NTNG1: variants seen among roughly 807,000 people sequenced by gnomAD.
NTNG1 encodes the protein netrin G1, also known as netrin-G1.
NTNG1 carries 16 observed loss-of-function variants against 54.0 expected under a neutral mutation model. The ratio of observed to expected loss-of-function variants is 0.30; its 90% CI spans 0.20 to 0.45. NTNG1 has a LOEUF of 0.45. NTNG1 is among the 20% of genes least tolerant of loss of function. The probability of loss-of-function intolerance (pLI) is 1.00; values close to 1 mark genes in which losing one functional copy is unlikely to be tolerated. For missense variants in NTNG1, 530 were observed against 678.7 expected (o/e 0.78, Z 2.43); for synonymous variants, 255 against 263.1 (o/e 0.97, Z 0.30).
chr1:107,308,346 G>T (rs534497218), intron 2 of NTNG1, among the ~76,000 whole-genome samples: 65 of 152,186 alleles, frequency 4.3e-4, no homozygotes, highest in Middle Eastern at 3.4e-3. Context: ...TAAGGAAGGG[G>T]TCCAGTTTCA....
chr1:107,416,656 G>C (rs11185110), intron 5 of NTNG1, among the ~76,000 whole-genome samples: 66,225 of 151,778 alleles, frequency 0.44, 14,693 homozygotes, highest in Middle Eastern at 0.51. Flanking sequence ...TAATTTATAG[G>C]GTTATTTTTC....
At chr1:107,255,317 C>T (rs991559847) in intron 2 of NTNG1, among the ~76,000 whole-genome samples, 2 of 152,046 alleles carry the variant, frequency 1.3e-5, no homozygotes, top group African/African-American at 4.8e-5. Flanking sequence ...AGATAGTTTT[C>T]CTCCATAAAG....
At position 107,413,416 on chromosome 1, in the gene NTNG1, C is replaced by T. The variant is rs574624916; in HGVS notation, c.1087+5708C>T. On this transcript the variant is annotated intron_variant, in intron 5 of 7. Transcript: ENST00000370068. ...GATTTCTTTCTGGGCATCAATAATG[C>T]TATTTCCATCCCAAGTGCGGTGTGT... 1.5e-4 allele frequency among the ~76,000 whole-genome samples: 23 copies of T among 152,148 alleles called. No individual in the cohort carries two copies. The South Asian group carries it at 4.8e-3, about 32-fold the overall frequency.
intron 3 of NTNG1, among the ~76,000 whole-genome samples, chr1:107,357,086 C>A (rs1054465371): frequency 1.1e-4 from 17 of 152,168 alleles, no homozygotes; most frequent in African/African-American, 4.1e-4. Context: ...CCTAACCAGA[C>A]AACACAAATC....
intron 5 of NTNG1, 170 bp downstream of exon 5, chr1:107,407,878 CAGAT>C (rs757225228): frequency 2.6e-6 from 2 of 755,530 alleles, no homozygotes; most frequent in East Asian, 5.0e-5. Flanking sequence ...GGTGAGAACA[CAGAT>C]AAAGTGATTA....
At chr1:107,197,854 C>T (rs1658454130) in intron 2 of NTNG1, among the ~76,000 whole-genome samples, 1 of 151,924 alleles carries the variant, frequency 6.6e-6, no homozygotes, top group African/African-American at 2.4e-5. Flanking sequence ...TCCACCTGGC[C>T]ACTGTTATTT....
intron 7 of NTNG1, among the ~76,000 whole-genome samples, chr1:107,463,001 A>G (rs6667549): frequency 0.092 from 14,008 of 152,262 alleles, 863 homozygotes; most frequent in Non-Finnish European, 0.14. Flanking sequence ...AGTGGGGAAG[A>G]GACAAACTAT....
chr1:107,189,819 TAA>T (rs66974543), intron 2 of NTNG1, among the ~76,000 whole-genome samples: 442 of 143,316 alleles, frequency 3.1e-3, no homozygotes, highest in Admixed American at 5.3e-3. Flanking sequence ...AGTCAAAAGT[TAA>T]AAAAAAAAAA....
chr1:107,391,727 T>C (rs552532601), intron 3 of NTNG1, among the ~76,000 whole-genome samples: 38 of 151,792 alleles, frequency 2.5e-4, no homozygotes, highest in Non-Finnish European at 4.9e-4. Flanking sequence ...TACCACACTT[T>C]TTAAACCGCC....
chr1:107,466,006 T>C (rs1352706958), intron 7 of NTNG1, among the ~76,000 whole-genome samples: 1 of 151,944 alleles, frequency 6.6e-6, no homozygotes, highest in African/African-American at 2.4e-5. Context: ...GATCCAGGAG[T>C]AGACATTTCA....
chr1:107,236,330 T>C (rs1661412113), intron 2 of NTNG1, among the ~76,000 whole-genome samples: 1 of 152,114 alleles, frequency 6.6e-6, no homozygotes, highest in Non-Finnish European at 1.5e-5. Context: ...AGTGAAGATT[T>C]AAGTTTTTCA....
intron 3 of NTNG1, among the ~76,000 whole-genome samples, chr1:107,326,280 C>G (rs1667948714): frequency 6.6e-6 from 1 of 152,072 alleles, no homozygotes; most frequent in African/African-American, 2.4e-5. Context: ...TGACCAAGAT[C>G]TTGGTGGTAT....
intron 2 of NTNG1, among the ~76,000 whole-genome samples, chr1:107,263,354 T>TC (rs536803664): frequency 4.5e-4 from 68 of 151,946 alleles, no homozygotes; most frequent in Non-Finnish European, 4.3e-4. Flanking sequence ...TCTTTTTTTT[T>TC]CCTTTACAAA....
intron 2 of NTNG1, among the ~76,000 whole-genome samples, chr1:107,228,872 A>G (rs1375232389): frequency 6.6e-6 from 1 of 152,182 alleles, no homozygotes; most frequent in Admixed American, 6.5e-5. Context: ...AAGACAAGCC[A>G]TGTGCTGTGG....
At chr1:107,246,222 T>G (rs1317007046) in intron 2 of NTNG1, among the ~76,000 whole-genome samples, 1 of 152,082 alleles carries the variant, frequency 6.6e-6, no homozygotes, top group Non-Finnish European at 1.5e-5. Flanking sequence ...TGGCTAATTA[T>G]TTTTGTATTT....
intron 4 of NTNG1, among the ~76,000 whole-genome samples, chr1:107,396,477 C>T (rs1056548046): frequency 9.9e-5 from 15 of 152,080 alleles, no homozygotes; most frequent in Admixed American, 9.2e-4. Context: ...TATTCAGTTG[C>T]TTTCAGTGTT....
chr1:107,463,827 G>T (rs577727418), intron 7 of NTNG1, among the ~76,000 whole-genome samples: 1 of 152,078 alleles, frequency 6.6e-6, no homozygotes, highest in South Asian at 2.1e-4. Context: ...TATCAACAGT[G>T]ACCCTAAAAA....
chr1:107,235,187 G>A, intron 2 of NTNG1, among the ~76,000 whole-genome samples: 1 of 152,136 alleles, frequency 6.6e-6, no homozygotes, highest in East Asian at 1.9e-4. Flanking sequence ...TCTAGGACTT[G>A]AGATTTCAGT....
At chr1:107,346,061 C>G (rs1373568757) in intron 3 of NTNG1, among the ~76,000 whole-genome samples, 8 of 152,150 alleles carry the variant, frequency 5.3e-5, no homozygotes. Flanking sequence ...CTGGTGTCTC[C>G]CTGCCTATGT....
Sources: allele counts gnomAD v4.1 joint callset (sites outside exome capture counted in the v4.1 genomes callset), GRCh38; gene constraint gnomAD v4.1.1; transcripts MANE v1.5; gene names NCBI Gene and HGNC (gene_info 2026-07-23, HGNC 2026-07-21).